The following SNX9 variants were observed in gnomAD, a reference collection of about 807,000 sequenced individuals.
SNX9 encodes the protein sorting nexin-9.
SNX9 carries 44 observed loss-of-function variants against 89.4 expected under a neutral mutation model. That is an observed-to-expected ratio of 0.49 (90% CI 0.39 to 0.63). The LOEUF (loss-of-function observed/expected upper bound fraction) is 0.63. Ranked by LOEUF, SNX9 falls within the 30% of genes least tolerant of loss-of-function variation. SNX9 has a pLI of 0.00. For missense variants in SNX9, 578 were observed against 736.1 expected (o/e 0.79, Z 2.49); for synonymous variants, 236 against 247.8 (o/e 0.95, Z 0.45).
intron 13 of SNX9, 60 bp downstream of exon 13, chr6:157,932,332 C>T (rs1353360419): frequency 6.8e-7 from 1 of 1,465,448 alleles, no homozygotes; most frequent in Non-Finnish European, 9.6e-7. Flanking sequence ...CTGTCACCTG[C>T]TTAGGATCCT....
chr6:157,835,148 G>A (rs1165486509), intron 1 of SNX9, among the ~76,000 whole-genome samples: 1 of 152,092 alleles, frequency 6.6e-6, no homozygotes, highest in Non-Finnish European at 1.5e-5. Context: ...AGGCAACTGG[G>A]ATTACAGATG....
chr6:157,836,028 C>T (rs1302360790), intron 1 of SNX9, among the ~76,000 whole-genome samples: 3 of 152,130 alleles, frequency 2.0e-5, no homozygotes, highest in South Asian at 4.1e-4. Flanking sequence ...ACCTCCCAGG[C>T]ACAAGCAATC....
At position 157,924,878 on chromosome 6, in the gene SNX9, G is replaced by A. The variant is rs560477597; in HGVS notation, c.1081-2233G>A. Among the ~76,000 whole-genome samples the A allele has an allele frequency of 7.2e-5, 11 of 152,274 alleles. No homozygotes were observed. The East Asian group carries it at 1.7e-3, about 24-fold the overall frequency. On this transcript the variant is annotated intron_variant, in intron 10 of 17. Coordinates refer to ENST00000392185, the MANE Select transcript of SNX9 (RefSeq NM_016224.5). ...TTGTATATGTTTGAAAGTTTTCATTGTATATGGTCTTCTTGAAAATGAATT... is the reference window on the plus strand; with the variant it reads ...TTGTATATGTTTGAAAGTTTTCATTATATATGGTCTTCTTGAAAATGAATT...
chr6:157,873,072 C>CTTTTTTT, intron 2 of SNX9, 30 bp from the exon 3 acceptor site: 6 of 1,323,888 alleles, frequency 4.5e-6, no homozygotes, highest in South Asian at 3.1e-5. Flanking sequence ...TAATCTTTTT[C>CTTTTTTT]TTTTTTTTTT....
chr6:157,914,480 T>TTTTTTTTTTTTTTTTTTTTTTTC (rs1562616572), intron 9 of SNX9, among the ~76,000 whole-genome samples: 1 of 133,330 alleles, frequency 7.5e-6, no homozygotes, highest in African/African-American at 3.0e-5. Flanking sequence ...TTTTTTTTTT[T>TTTTTTTTTTTTTTTTTTTTTTTC]TTTTTTTTTT....
chr6:157,875,459 A>T (rs1186641677), intron 4 of SNX9, among the ~76,000 whole-genome samples: 1 of 152,072 alleles, frequency 6.6e-6, no homozygotes. Context: ...AACTGCAAAT[A>T]CCCTCTTAGA....
chr6:157,831,013 A>G (rs1406812710), intron 1 of SNX9, among the ~76,000 whole-genome samples: 3 of 152,072 alleles, frequency 2.0e-5, no homozygotes, highest in Non-Finnish European at 4.4e-5. Flanking sequence ...GTTATCTTCT[A>G]TTTTTAGAAA....
In SNX9 at chr6:157,943,350, C is replaced by T. The variant is rs1784082021; in HGVS notation, c.*512C>T. 2 of 152,316 alleles carry T rather than the reference C, an allele frequency of 1.3e-5. No homozygotes were observed. The highest frequency in any genetic ancestry group is 2.4e-5 in the African/African-American group (1 of 41,448). 9.4% of individuals were successfully genotyped at this position (152,316 alleles called of 1,614,324 possible). On this transcript the variant is annotated 3_prime_UTR_variant, in exon 18 of 18. Coordinates refer to ENST00000392185, the MANE Select transcript of SNX9 (RefSeq NM_016224.5). ...TGGGGCTCCTGTCATTGAGGGAAGT[C>T]GTTACGCCTTTCACTGCCACAGTTA...
chr6:157,938,793 T>TC, intron 16 of SNX9, 46 bp downstream of exon 16: 4 of 1,264,030 alleles, frequency 3.2e-6, no homozygotes, highest in East Asian at 2.3e-5. Flanking sequence ...AGTTTTTTTT[T>TC]CCCCAGCAAA....
At chr6:157,861,195 A>G (rs774987257) in intron 1 of SNX9, among the ~76,000 whole-genome samples, 21 of 152,238 alleles carry the variant, frequency 1.4e-4, no homozygotes, top group Non-Finnish European at 1.0e-4. Context: ...ATCTTTTGCT[A>G]GAACAACTGT....
chr6:157,924,724 C>T (rs1383829873), intron 10 of SNX9: 5 of 152,210 alleles, frequency 3.3e-5, no homozygotes, highest in East Asian at 1.9e-4. Flanking sequence ...ACCACAGTTC[C>T]GAAAGCCTTC....
chr6:157,826,826 T>C (rs1781359315), intron 1 of SNX9, among the ~76,000 whole-genome samples: 1 of 120,764 alleles, frequency 8.3e-6, no homozygotes, highest in Non-Finnish European at 1.6e-5. Flanking sequence ...ATATATATTA[T>C]ATTTTATATA....
chr6:157,893,424 G>A (rs1422107672), intron 4 of SNX9, among the ~76,000 whole-genome samples: 1 of 152,202 alleles, frequency 6.6e-6, no homozygotes, highest in Non-Finnish European at 1.5e-5. Context: ...CACATCAAAA[G>A]CATGTAGTCT....
chr6:157,827,729 G>T (rs1282762538), intron 1 of SNX9, among the ~76,000 whole-genome samples: 1 of 150,606 alleles, frequency 6.6e-6, no homozygotes, highest in East Asian at 1.9e-4. Context: ...TGTTAGTGGA[G>T]GTTAATCCAT....
intron 4 of SNX9, among the ~76,000 whole-genome samples, chr6:157,895,765 A>G (rs1019582070): frequency 1.3e-5 from 2 of 152,218 alleles, no homozygotes; most frequent in Admixed American, 6.5e-5. Context: ...CAAAAATTAT[A>G]GTAGGCCATT....
intron 1 of SNX9, among the ~76,000 whole-genome samples, chr6:157,860,432 A>T (rs932203254): frequency 6.6e-6 from 1 of 152,172 alleles, no homozygotes; most frequent in African/African-American, 2.4e-5. Context: ...ATCCAATTAA[A>T]TTCAAGTTTT....
chr6:157,843,228 A>G (rs2770104), intron 1 of SNX9, among the ~76,000 whole-genome samples: 85,272 of 151,942 alleles, frequency 0.56, 24,363 homozygotes, highest in African/African-American at 0.65. Context: ...AAATTGAAAA[A>G]GAAATATAGC....
chr6:157,869,764 G>A (rs1782350934), intron 2 of SNX9, among the ~76,000 whole-genome samples: 1 of 152,062 alleles, frequency 6.6e-6, no homozygotes, highest in Admixed American at 6.5e-5. Flanking sequence ...ATCAGACCTC[G>A]CCAGCCTTTC....
intron 1 of SNX9, among the ~76,000 whole-genome samples, chr6:157,839,421 T>C (rs902038712): frequency 2.0e-5 from 3 of 152,196 alleles, no homozygotes; most frequent in African/African-American, 7.2e-5. Context: ...TTTCATGTAA[T>C]GGTGATATAG....
Sources: allele counts gnomAD v4.1 joint callset (sites outside exome capture counted in the v4.1 genomes callset), GRCh38; gene constraint gnomAD v4.1.1; transcripts MANE v1.5; gene names NCBI Gene and HGNC (gene_info 2026-07-23, HGNC 2026-07-21).